Variants in GABRB1 observed in about 807,000 individuals in gnomAD.
GABRB1 encodes the protein gamma-aminobutyric acid type A receptor subunit beta1.
A neutral mutation model predicts 51.6 loss-of-function variants in GABRB1; 17 were observed. That is an observed-to-expected ratio of 0.33 (90% CI 0.23 to 0.49). The LOEUF (loss-of-function observed/expected upper bound fraction) is 0.49. GABRB1 is among the 20% of genes least tolerant of loss of function. The probability of loss-of-function intolerance (pLI) is 0.99; values close to 1 mark genes in which losing one functional copy is unlikely to be tolerated. For missense variants in GABRB1, 410 were observed against 600.6 expected (o/e 0.68, Z 3.32); for synonymous variants, 247 against 218.9 (o/e 1.13, Z -1.14).
intron 4 of GABRB1, among the ~76,000 whole-genome samples, chr4:47,179,126 C>A (rs186875192): frequency 6.6e-6 from 1 of 152,172 alleles, no homozygotes; most frequent in South Asian, 2.1e-4. Flanking sequence ...GCCCCTCACC[C>A]CCTGACAGGC....
At chr4:47,113,934 A>T (rs958343502) in intron 3 of GABRB1, among the ~76,000 whole-genome samples, 2 of 152,200 alleles carry the variant, frequency 1.3e-5, no homozygotes, top group Non-Finnish European at 2.9e-5. Context: ...GTTGAGTAGG[A>T]TCTAGCCTTT....
At chr4:47,307,377 T>C (rs1724510151) in intron 4 of GABRB1, among the ~76,000 whole-genome samples, 1 of 152,048 alleles carries the variant, frequency 6.6e-6, no homozygotes, top group African/African-American at 2.4e-5. Context: ...AGAAATCATG[T>C]TTTATTGTTA....
intron 3 of GABRB1, among the ~76,000 whole-genome samples, chr4:47,036,895 G>A (rs1426406618): frequency 6.6e-6 from 1 of 151,598 alleles, no homozygotes; most frequent in Non-Finnish European, 1.5e-5. Context: ...AGAAAGAAAA[G>A]TAAAGAAAAA....
chr4:47,342,664 T>C (rs1411291683), intron 5 of GABRB1, among the ~76,000 whole-genome samples: 1 of 152,192 alleles, frequency 6.6e-6, no homozygotes, highest in Admixed American at 6.6e-5. Context: ...GTGTGAGGAA[T>C]AGTTCTCCTG....
chr4:47,177,633 T>A (rs1272709801), intron 4 of GABRB1, among the ~76,000 whole-genome samples: 1 of 152,056 alleles, frequency 6.6e-6, no homozygotes, highest in East Asian at 1.9e-4. Flanking sequence ...GGTAACCTGG[T>A]AAAAAAGAAA....
At chr4:47,103,395 A>G (rs919784424) in intron 3 of GABRB1, among the ~76,000 whole-genome samples, 3 of 152,050 alleles carry the variant, frequency 2.0e-5, no homozygotes, top group Non-Finnish European at 4.4e-5. Context: ...GATAAACTAT[A>G]AAGTAAATCC....
intron 4 of GABRB1, among the ~76,000 whole-genome samples, chr4:47,276,823 C>T (rs1035702502): frequency 9.9e-5 from 15 of 152,032 alleles, no homozygotes; most frequent in South Asian, 6.2e-4. Flanking sequence ...TCTACCCACT[C>T]GAAGCCAGTA....
At chr4:47,409,665 G>A (rs1168329387) in intron 8 of GABRB1, among the ~76,000 whole-genome samples, 1 of 152,188 alleles carries the variant, frequency 6.6e-6, no homozygotes, top group Admixed American at 6.5e-5. Context: ...TAGAGCTGTG[G>A]GGTTCCATGC....
At chr4:47,101,772 GC>G (rs1714734522) in intron 3 of GABRB1, among the ~76,000 whole-genome samples, 3 of 152,028 alleles carry the variant, frequency 2.0e-5, no homozygotes. Context: ...GAGAACCAAA[GC>G]AATCAATCAA....
chr4:47,344,966 G>A (rs575459576), intron 5 of GABRB1, among the ~76,000 whole-genome samples: 41 of 152,008 alleles, frequency 2.7e-4, no homozygotes, highest in African/African-American at 8.7e-4. Context: ...CAGGTGATCC[G>A]CCTGCCTCAG....
At chr4:47,056,485 A>G (rs986508663) in intron 3 of GABRB1, among the ~76,000 whole-genome samples, 4 of 152,166 alleles carry the variant, frequency 2.6e-5, no homozygotes, top group Non-Finnish European at 5.9e-5. Flanking sequence ...CTCAGGTCAC[A>G]TATAAAGGTA....
intron 4 of GABRB1, among the ~76,000 whole-genome samples, chr4:47,314,429 G>A (rs1449361060): frequency 2.0e-5 from 3 of 151,910 alleles, no homozygotes; most frequent in African/African-American, 7.2e-5. Flanking sequence ...TGAATCAATG[G>A]TTCAATATTA....
At chr4:47,353,226 A>C (rs935947476) in intron 5 of GABRB1, among the ~76,000 whole-genome samples, 2 of 152,204 alleles carry the variant, frequency 1.3e-5, no homozygotes, top group Non-Finnish European at 2.9e-5. Flanking sequence ...GTAAAATTCA[A>C]GATGAGATTT....
At chr4:47,270,398 A>G (rs1722826151) in intron 4 of GABRB1, among the ~76,000 whole-genome samples, 3 of 152,222 alleles carry the variant, frequency 2.0e-5, no homozygotes, top group Admixed American at 2.0e-4. Flanking sequence ...GGAGCCTTTC[A>G]GAGCTGCAAG....
intron 4 of GABRB1, among the ~76,000 whole-genome samples, chr4:47,195,480 TAGATA>T (rs1560580514): frequency 1.9e-4 from 14 of 75,644 alleles, no homozygotes; most frequent in Non-Finnish European, 4.3e-4. Flanking sequence ...GATAGATAGA[TAGATA>T]GATAGATAGA....
At chr4:47,045,331 G>A (rs1312744185) in intron 3 of GABRB1, among the ~76,000 whole-genome samples, 1 of 151,992 alleles carries the variant, frequency 6.6e-6, no homozygotes, top group Non-Finnish European at 1.5e-5. Flanking sequence ...TTCTTCTTAG[G>A]TTATCGAAGG....
At chr4:47,364,070 T>C (rs186630233) in intron 5 of GABRB1, among the ~76,000 whole-genome samples, 73 of 152,324 alleles carry the variant, frequency 4.8e-4, no homozygotes, top group African/African-American at 1.4e-3. Context: ...AGAAATGGTC[T>C]AAATTCACAC....
intron 3 of GABRB1, among the ~76,000 whole-genome samples, chr4:47,060,264 G>A (rs1236234130): frequency 1.3e-5 from 2 of 152,108 alleles, no homozygotes; most frequent in East Asian, 3.9e-4. Context: ...AGAAAGTAAG[G>A]GAACTGGAAT....
chr4:47,187,795 C>T (rs1719248763), intron 4 of GABRB1, among the ~76,000 whole-genome samples: 1 of 151,896 alleles, frequency 6.6e-6, no homozygotes, highest in Non-Finnish European at 1.5e-5. Flanking sequence ...TCCCTTTTAT[C>T]ACTTCAATCC....
Sources: gnomAD v4.1 joint callset for allele counts (sites outside exome capture counted in the v4.1 genomes callset) on GRCh38, gnomAD v4.1.1 for gene constraint, MANE v1.5 for transcripts, NCBI Gene and HGNC (gene_info 2026-07-23, HGNC 2026-07-21) for gene names.